The following ATAD2 variants were observed in gnomAD, a reference collection of about 807,000 sequenced individuals.
The protein encoded by ATAD2 is ATPase family AAA domain-containing protein 2.
Under a neutral mutation model 168.9 loss-of-function variants are expected in ATAD2, and 62 were observed. The ratio of observed to expected loss-of-function variants is 0.37; its 90% CI spans 0.30 to 0.45. ATAD2 has a LOEUF of 0.45. Ranked by LOEUF, ATAD2 falls within the 20% of genes least tolerant of loss-of-function variation. The pLI is 1.00. For missense variants in ATAD2, 1,419 were observed against 1,667.8 expected (o/e 0.85, Z 2.60); for synonymous variants, 613 against 571.6 (o/e 1.07, Z -1.03).
intron 1 of ATAD2, among the ~76,000 whole-genome samples, chr8:123,382,116 C>T (rs918903045): frequency 2.2e-4 from 34 of 152,202 alleles, no homozygotes; most frequent in Middle Eastern, 3.4e-3. Flanking sequence ...TAATTCTATG[C>T]CCTACTACTC....
rs1829152180 is a variant in ATAD2 at position 123,371,651 on chromosome 8, C to G, written c.536+19G>C. ...TCTCTGACAGATAAATCATCTTGAT[C>G]TAAGGAATTTTTACTTACTTAGTTA... On this transcript the variant is annotated intron_variant, in intron 4 of 27. Transcript: ENST00000287394. 6.3e-7 allele frequency: 1 copy of G among 1,583,150 alleles called. No homozygotes were observed. The highest frequency in any genetic ancestry group is 1.4e-5 in the African/African-American group (1 of 73,684).
chr8:123,338,079 G>A (rs534657744), intron 20 of ATAD2, among the ~76,000 whole-genome samples: 10 of 152,272 alleles, frequency 6.6e-5, no homozygotes, highest in South Asian at 6.2e-4. Context: ...AGAGGCAGCC[G>A]GGTGTGGTGG....
intron 1 of ATAD2, among the ~76,000 whole-genome samples, chr8:123,382,058 A>C (rs1225577898): frequency 6.6e-6 from 1 of 152,172 alleles, no homozygotes; most frequent in Non-Finnish European, 1.5e-5. Context: ...ACAAACAAAC[A>C]AACAAACCAA....
intron 8 of ATAD2, among the ~76,000 whole-genome samples, chr8:123,367,875 A>G (rs1272448791): frequency 6.6e-6 from 1 of 152,224 alleles, no homozygotes; most frequent in Middle Eastern, 3.2e-3. Flanking sequence ...TTCAGCACTT[A>G]CAAAGGTGCT....
chr8:123,400,605 C>T (rs566117428), upstream of ATAD2: 20 of 587,124 alleles, frequency 3.4e-5, no homozygotes, highest in South Asian at 1.7e-4. The surrounding 1 kb of genome is among the most constrained non-coding windows in gnomAD (Gnocchi z 4.5). Flanking sequence ...GCCAGGGCAC[C>T]GGCTGCGTGC....
intron 1 of ATAD2, among the ~76,000 whole-genome samples, chr8:123,407,465 T>C (rs183529105): frequency 1.5e-3 from 225 of 152,342 alleles, no homozygotes; most frequent in African/African-American, 5.2e-3. Context: ...GGCTCACACC[T>C]GCAATCCCAG....
intron 1 of ATAD2, among the ~76,000 whole-genome samples, chr8:123,409,009 G>C (rs1306258683): frequency 6.6e-6 from 1 of 151,504 alleles, no homozygotes; most frequent in Non-Finnish European, 1.5e-5. Flanking sequence ...TGTATTTTTA[G>C]TAGAGACGGG....
rs937541082 is a variant in ATAD2, at chr8:123,384,402, C to T, written c.172-3725G>A. On this transcript the variant is annotated intron_variant, in intron 1 of 27. Transcript: ENST00000287394. ...TTGTTTGTTTGTTTTGCTTTAGGAG[C>T]TTTTAATGCTTAGACTGAAAAAGAT... Among the ~76,000 whole-genome samples the T allele has an allele frequency of 5.3e-5, 8 of 152,130 alleles. No homozygotes were observed. In the East Asian group the frequency reaches 1.5e-3, roughly 29 times the overall value.
chr8:123,347,210 C>G lies in ATAD2; in HGVS notation c.2094G>C (p.Gly698=). 1.9e-6 allele frequency: 3 copies of G among 1,614,094 alleles called. No individual in the cohort carries two copies. The South Asian group carries it at 3.3e-5, about 18-fold the overall frequency. ...GTTTCACAACGGTGGACAGTGCCTG[C>G]CCAGGTGATGTCACAGCTCTTTGGG... The part of the protein sequence containing the change: ...PASQRAVTSP[G]QALSTVVKPL... Residue 698 remains glycine, a synonymous_variant, in exon 16 of 28, where the codon GGG becomes GGC. Coordinates refer to ENST00000287394, the MANE Select transcript of ATAD2 (RefSeq NM_014109.4).
At position 123,359,268 on chromosome 8, in the gene ATAD2, T is replaced by A; in HGVS notation, c.1335A>T (p.Pro445=). Reference sequence around the variant, plus strand: ...TTTCAAAGACTTCTGGATAAAGTAATGGAAACACCACCATCTCTTTTAGAG... The same window carrying A: ...TTTCAAAGACTTCTGGATAAAGTAAAGGAAACACCACCATCTCTTTTAGAG... ...IAALKEMVVF[P]LLYPEVFEKF... The change falls in exon 11 of 28, where the codon CCA becomes CCT. Residue 445 remains proline, a synonymous_variant. Coordinates refer to ENST00000287394, the MANE Select transcript of ATAD2 (RefSeq NM_014109.4). 2 of 1,612,204 alleles carry A rather than the reference T, an allele frequency of 1.2e-6. No individual in the cohort carries two copies. The highest frequency in any genetic ancestry group is 8.5e-7 in the Non-Finnish European group (1 of 1,179,304).
chr8:123,410,280 ATTAT>A (rs544452071), intron 1 of ATAD2, among the ~76,000 whole-genome samples: 1 of 151,642 alleles, frequency 6.6e-6, no homozygotes, highest in Non-Finnish European at 1.5e-5. Flanking sequence ...GTAGGATCAT[ATTAT>A]TTATTTATTT....
intron 21 of ATAD2, among the ~76,000 whole-genome samples, chr8:123,337,372 A>T (rs1827948071): frequency 6.6e-6 from 1 of 152,170 alleles, no homozygotes; most frequent in Non-Finnish European, 1.5e-5. Flanking sequence ...TCAAAAAAAA[A>T]AAATAATAAG....
chr8:123,332,965 A>G (rs1827812718), intron 24 of ATAD2, among the ~76,000 whole-genome samples: 1 of 151,976 alleles, frequency 6.6e-6, no homozygotes, highest in African/African-American at 2.4e-5. Flanking sequence ...TTTTTTCAAA[A>G]GAAGGGCTTA....
intron 10 of ATAD2, 63 bp from the exon 11 acceptor site, chr8:123,359,399 C>T (rs1828743758): frequency 5.4e-6 from 7 of 1,289,550 alleles, no homozygotes; most frequent in East Asian, 2.3e-5. Flanking sequence ...TGTCACCCCA[C>T]ACCATACACA....
At chr8:123,327,179 C>T (rs542962665) in intron 25 of ATAD2, among the ~76,000 whole-genome samples, 1 of 152,324 alleles carries the variant, frequency 6.6e-6, no homozygotes, top group Non-Finnish European at 1.5e-5. Flanking sequence ...GTTAGGATTA[C>T]AAGTGTGAGC....
chr8:123,363,902 T>C (rs1441435668), intron 8 of ATAD2, among the ~76,000 whole-genome samples: 1 of 152,176 alleles, frequency 6.6e-6, no homozygotes. Context: ...ATTGATAGTG[T>C]CAGAATTCAA....
chr8:123,361,964 G>C (rs1828839548), intron 8 of ATAD2, among the ~76,000 whole-genome samples: 2 of 152,094 alleles, frequency 1.3e-5, no homozygotes, highest in African/African-American at 4.8e-5. Context: ...GGATTAAGAG[G>C]GTATTAGAAT....
At chr8:123,415,315 T>C (rs2130066123) in intron 1 of ATAD2, among the ~76,000 whole-genome samples, 1 of 152,282 alleles carries the variant, frequency 6.6e-6, no homozygotes, top group South Asian at 2.1e-4. Context: ...AGAGGCTATG[T>C]GGAAGTTTGT....
In ATAD2 at chr8:123,346,741, C is replaced by T. The variant is rs1212047865; in HGVS notation, c.2222G>A (p.Cys741Tyr). Residue 741 changes from cysteine (C) to tyrosine (Y), a missense_variant, in exon 17 of 28, where the codon TGT becomes TAT. By Grantham distance (194) the Cys-to-Tyr change is radical. Around this residue, in one of 5 missense-constraint regions of ATAD2, gnomAD observed 545 missense variants for 724.9 expected, o/e 0.75. Transcript: ENST00000287394. ...AGCCAAGTCACTTTCTAGCAGAGGA[C>T]AAGAAATATCTATAAAACCAAAAAA... is the stretch of plus-strand genomic sequence containing the variant. ...TNKTLDSDIS[C>Y]PLLESDLAYS... 6.3e-7 allele frequency: 1 copy of T among 1,582,584 alleles called. No homozygotes were observed. The highest frequency in any genetic ancestry group is 8.5e-7 in the Non-Finnish European group (1 of 1,171,292).
Sources: allele counts gnomAD v4.1 joint callset (sites outside exome capture counted in the v4.1 genomes callset), GRCh38; gene constraint gnomAD v4.1.1; regional missense constraint gnomAD v4.1.1; non-coding constraint Gnocchi (gnomAD v3.1); transcripts MANE v1.5; gene names NCBI Gene and HGNC (gene_info 2026-07-23, HGNC 2026-07-21).